Variants in DOCK10 observed in about 807,000 individuals in gnomAD.
The protein encoded by DOCK10 is dedicator of cytokinesis protein 10.
DOCK10 carries 145 observed loss-of-function variants against 280.1 expected under a neutral mutation model. The ratio of observed to expected loss-of-function variants is 0.52; its 90% CI spans 0.45 to 0.59. The LOEUF (loss-of-function observed/expected upper bound fraction) is 0.59. Among genes scored for constraint, DOCK10 ranks in the 20% least tolerant of loss-of-function variants. DOCK10 has a pLI of 0.00. For missense variants in DOCK10, 2,368 were observed against 2,651.7 expected, an observed-to-expected ratio of 0.89 and a Z score of 2.35; for synonymous variants, 915 against 942.2, an observed-to-expected ratio of 0.97 and a Z score of 0.53.
Position 224,885,668 on chromosome 2 carries a change from C to T in DOCK10, c.747+3G>A, listed in dbSNP as rs762322771. 1 of 1,600,060 alleles carries T rather than the reference C, an allele frequency of 6.2e-7. No individual in the cohort carries two copies. The highest frequency in any genetic ancestry group is 8.5e-7 in the Non-Finnish European group (1 of 1,173,212). On this transcript the variant is annotated splice_donor_region_variant and intron_variant, in intron 7 of 55. Transcript: ENST00000258390. Reference sequence around the variant, plus strand: ...CCAAGGAGGAAAAGGGATGTCTACTCACCTGCACCACTCCTGTACAGGAAT... The same window carrying T: ...CCAAGGAGGAAAAGGGATGTCTACTTACCTGCACCACTCCTGTACAGGAAT...
intron 19 of DOCK10, among the ~76,000 whole-genome samples, chr2:224,846,079 TTTAATGC>T (rs1696331063): frequency 6.6e-6 from 1 of 152,264 alleles, no homozygotes; most frequent in Non-Finnish European, 1.5e-5. Flanking sequence ...GATGCACTCA[TTTAATGC>T]TCAATAAATA....
Position 224,938,867 on chromosome 2 carries a change from T to C in DOCK10, c.124-7199A>G, listed in dbSNP as rs147943404. 5.8e-3 allele frequency among the ~76,000 whole-genome samples: 882 copies of C among 152,300 alleles called. 1 individual carries two copies. Among genetic ancestry groups the C allele is most frequent in the Non-Finnish European group, 9.6e-3 (653 of 68,016 alleles). Reference sequence around the variant, plus strand: ...TTCCCCTGGAGAACCTCTCAAATGTTTGAGCTTCTGAAAACAAGGCTACTT... The same window carrying C: ...TTCCCCTGGAGAACCTCTCAAATGTCTGAGCTTCTGAAAACAAGGCTACTT... On this transcript the variant is annotated intron_variant, in intron 1 of 55. Transcript: ENST00000258390.
chr2:224,898,286 T>A (rs1180327653), intron 3 of DOCK10, among the ~76,000 whole-genome samples: 1 of 152,122 alleles, frequency 6.6e-6, no homozygotes, highest in Non-Finnish European at 1.5e-5. Flanking sequence ...GCTTTATTTG[T>A]TCAGGGAGGT....
intron 11 of DOCK10, 81 bp from the exon 12 acceptor site, chr2:224,865,168 A>G: frequency 7.4e-7 from 1 of 1,357,016 alleles, no homozygotes; most frequent in Non-Finnish European, 1.0e-6. Flanking sequence ...TCATTTAACA[A>G]AGCAGTAGAT....
chr2:224,833,397 C>A (rs530423216), intron 26 of DOCK10, among the ~76,000 whole-genome samples: 1 of 152,172 alleles, frequency 6.6e-6, no homozygotes, highest in South Asian at 2.1e-4. Context: ...CTGTCTCCTG[C>A]AGACACACCA....
chr2:224,917,895 G>T (rs1486149596), intron 2 of DOCK10, among the ~76,000 whole-genome samples: 1 of 152,118 alleles, frequency 6.6e-6, no homozygotes, highest in Non-Finnish European at 1.5e-5. Context: ...CAGGTGATGA[G>T]TCTGTGACAT....
At chr2:224,895,833 G>GTT (rs1699951208) in intron 4 of DOCK10, among the ~76,000 whole-genome samples, 2 of 59,730 alleles carry the variant, frequency 3.3e-5, no homozygotes, top group Non-Finnish European at 6.8e-5. Context: ...GTGTGTGTGC[G>GTT]TGTGTGTGTA....
chr2:224,915,621 C>T (rs1026564019), intron 3 of DOCK10, among the ~76,000 whole-genome samples: 3 of 152,150 alleles, frequency 2.0e-5, no homozygotes, highest in African/African-American at 4.8e-5. Flanking sequence ...ATATTGCTAT[C>T]GTATGCAGCT....
intron 30 of DOCK10, among the ~76,000 whole-genome samples, chr2:224,815,957 T>C (rs58364599): frequency 0.26 from 39,439 of 151,690 alleles, 8,304 homozygotes; most frequent in African/African-American, 0.59. Context: ...CCCTCAAACC[T>C]GGGAGGCAGA....
intron 8 of DOCK10, among the ~76,000 whole-genome samples, chr2:224,875,233 T>G (rs1698545887): frequency 6.6e-6 from 1 of 152,220 alleles, no homozygotes; most frequent in African/African-American, 2.4e-5. Context: ...ACAGTAGTTG[T>G]GTTAAAATCA....
At chr2:224,975,756 C>A (rs1705398865) in intron 1 of DOCK10, among the ~76,000 whole-genome samples, 1 of 152,060 alleles carries the variant, frequency 6.6e-6, no homozygotes, top group African/African-American at 2.4e-5. Flanking sequence ...AATTCATTTC[C>A]TTCATTTAAC....
intron 27 of DOCK10, among the ~76,000 whole-genome samples, chr2:224,826,608 G>C (rs1449166615): frequency 6.6e-6 from 1 of 152,154 alleles, no homozygotes. Flanking sequence ...TAATATCAGG[G>C]CTGGGTACAA....
chr2:224,792,174 C>T (rs1243964172), intron 47 of DOCK10, among the ~76,000 whole-genome samples: 1 of 152,022 alleles, frequency 6.6e-6, no homozygotes, highest in Non-Finnish European at 1.5e-5. Context: ...AAATCTGTAC[C>T]ATAAGCCATA....
intron 1 of DOCK10, among the ~76,000 whole-genome samples, chr2:224,932,348 A>C (rs760154939): frequency 6.6e-6 from 1 of 152,212 alleles, no homozygotes; most frequent in Non-Finnish European, 1.5e-5. Flanking sequence ...CCCCTCAAAG[A>C]AGCCCCTCAT....
chr2:224,983,651 C>G (rs1414592421), intron 1 of DOCK10: 1 of 412,400 alleles, frequency 2.4e-6, no homozygotes, highest in East Asian at 7.2e-5. Flanking sequence ...GCATGATGCT[C>G]AAACAGGCAT....
intron 2 of DOCK10, among the ~76,000 whole-genome samples, chr2:224,917,397 A>G (rs1701398823): frequency 1.3e-5 from 2 of 152,158 alleles, no homozygotes; most frequent in South Asian, 2.1e-4. Context: ...ATTGCTGCTA[A>G]GGCTAAAATA....
intron 8 of DOCK10, 23 bp from the exon 9 acceptor site, chr2:224,874,774 G>C (rs1265380806): frequency 1.9e-6 from 3 of 1,600,000 alleles, no homozygotes; most frequent in Non-Finnish European, 2.6e-6. Context: ...TACCAAGTCA[G>C]GTTATTAAAT....
Position 224,863,083 on chromosome 2 carries a change from C to A in DOCK10, c.1603-337G>T, listed in dbSNP as rs535030529. Among the ~76,000 whole-genome samples, 45 of 152,146 alleles carry A rather than the reference C, an allele frequency of 3.0e-4. 1 individual carries two copies. The South Asian group carries it at 6.2e-3, about 21-fold the overall frequency. ...TTACATTTACAGTCCATTCTATATCCCCTTTTATTTGTTATGGCAGAGGGC... is the reference window on the plus strand; with the variant it reads ...TTACATTTACAGTCCATTCTATATCACCTTTTATTTGTTATGGCAGAGGGC... On this transcript the variant is annotated intron_variant, in intron 13 of 55. Transcript: ENST00000258390.
intron 1 of DOCK10, among the ~76,000 whole-genome samples, chr2:225,019,747 T>C (rs546385687): frequency 6.6e-6 from 1 of 152,310 alleles, no homozygotes; most frequent in Non-Finnish European, 1.5e-5. Context: ...CAGACTGGAA[T>C]GTGAGGGTGA....
Sources: allele counts gnomAD v4.1 joint callset (sites outside exome capture counted in the v4.1 genomes callset), GRCh38; gene constraint gnomAD v4.1.1; transcripts MANE v1.5; gene names NCBI Gene and HGNC (gene_info 2026-07-23, HGNC 2026-07-21).